The following RBMS3 variants were observed in gnomAD, a reference collection of about 807,000 sequenced individuals.
RBMS3 encodes the protein RNA-binding motif, single-stranded-interacting protein 3.
RBMS3 carries 27 observed loss-of-function variants against 66.8 expected under a neutral mutation model. The ratio of observed to expected loss-of-function variants is 0.40; its 90% CI spans 0.30 to 0.56. The LOEUF is 0.56. RBMS3 is among the 20% of genes least tolerant of loss of function. The pLI is 0.40. For missense variants in RBMS3, 513 were observed against 549.5 expected, an observed-to-expected ratio of 0.93 and a Z score of 0.66; for synonymous variants, 188 against 183.0, an observed-to-expected ratio of 1.03 and a Z score of -0.22.
In RBMS3 at chr3:30,004,229, A is replaced by G. The variant is rs1699737063; in HGVS notation, c.*367A>G. The G allele has an allele frequency of 6.0e-6, 1 of 165,618 alleles. No individual in the cohort carries two copies. The highest frequency in any genetic ancestry group is 2.0e-4 in the South Asian group (1 of 4,944). 10.3% of individuals were successfully genotyped at this position (165,618 alleles called of 1,614,324 possible). A position where few individuals can be genotyped will look rare whatever the true frequency, so the allele number is the denominator to read the frequency against. On this transcript the variant is annotated 3_prime_UTR_variant, in exon 15 of 15. Transcript: ENST00000383767. ...GATACTTTTTTTTTTTTTTTAACAGAAAACCTGATGTCAAGAGGTGGGCAA... is the reference window on the plus strand; with the variant it reads ...GATACTTTTTTTTTTTTTTTAACAGGAAACCTGATGTCAAGAGGTGGGCAA...
intron 7 of RBMS3, chr3:29,880,757 T>A: frequency 6.5e-7 from 1 of 1,533,712 alleles, no homozygotes; most frequent in Non-Finnish European, 8.7e-7. Context: ...ACACTATCTC[T>A]TGTTGTCTCC....
intron 1 of RBMS3, among the ~76,000 whole-genome samples, chr3:29,349,097 T>C (rs1427722253): frequency 6.6e-6 from 1 of 152,156 alleles, no homozygotes; most frequent in African/African-American, 2.4e-5. Context: ...TCTTGAGATC[T>C]TTCTTAGGCT....
intron 13 of RBMS3, among the ~76,000 whole-genome samples, chr3:29,990,017 AAG>A (rs1427443653): frequency 2.0e-5 from 3 of 152,162 alleles, no homozygotes; most frequent in Non-Finnish European, 4.4e-5. Flanking sequence ...TAGGGATTAA[AAG>A]AAATATTTCA....
At chr3:29,389,656 C>G (rs912843664) in intron 1 of RBMS3, among the ~76,000 whole-genome samples, 1 of 152,110 alleles carries the variant, frequency 6.6e-6, no homozygotes, top group Non-Finnish European at 1.5e-5. Context: ...AAAGTATATT[C>G]GTTGTTTCTG....
chr3:29,954,536 T>A (rs531472771), intron 12 of RBMS3, among the ~76,000 whole-genome samples: 1 of 152,052 alleles, frequency 6.6e-6, no homozygotes, highest in Admixed American at 6.6e-5. Flanking sequence ...CTCTTTGGGG[T>A]GAGAACCATA....
At chr3:29,772,971 A>G (rs779230440) in intron 6 of RBMS3, among the ~76,000 whole-genome samples, 10 of 152,050 alleles carry the variant, frequency 6.6e-5, no homozygotes, top group Non-Finnish European at 7.4e-5. Context: ...TAAAATATGA[A>G]CTTAAACTAT....
At position 29,835,227 on chromosome 3, in the gene RBMS3, C is replaced by T. The variant is rs144647115; in HGVS notation, c.638-33631C>T. ...ACCCAACTCTCAATAACGAATAGATCGTCCAGACGGAAATCAATAAGAAAA... is the reference window on the plus strand; with the variant it reads ...ACCCAACTCTCAATAACGAATAGATTGTCCAGACGGAAATCAATAAGAAAA... On this transcript the variant is annotated intron_variant, in intron 6 of 14. Transcript: ENST00000383767. Among the ~76,000 whole-genome samples the T allele has an allele frequency of 1.2e-3, 180 of 152,004 alleles. 4 individuals are homozygous for T. The South Asian group carries it at 0.019, about 16-fold the overall frequency.
chr3:29,402,954 GTTTATAC>G (rs1277820540), intron 1 of RBMS3, among the ~76,000 whole-genome samples: 1 of 151,736 alleles, frequency 6.6e-6, no homozygotes. Flanking sequence ...GTTATCTTCT[GTTTATAC>G]TTTACTTACT....
At chr3:29,684,224 A>T (rs1411238138) in intron 4 of RBMS3, among the ~76,000 whole-genome samples, 1 of 152,206 alleles carries the variant, frequency 6.6e-6, no homozygotes, top group East Asian at 1.9e-4. Flanking sequence ...CTAAAATTCA[A>T]AAATAAAATA....
chr3:29,988,188 T>G lies in RBMS3; in HGVS notation c.1144T>G (p.Tyr382Asp), dbSNP rs1009755833. The stretch of plus-strand genomic sequence containing the variant: ...TATGCAAGGGACCTACATTCCTCAG[T>G]ACACGCCTGTGCCTCCGACAGCTGT... ...APMQGTYIPQYTPVPPTAVSI... is the reference protein window; with the variant it reads ...APMQGTYIPQDTPVPPTAVSI... Residue 382 changes from tyrosine to aspartate, a missense_variant, in exon 13 of 15, where the codon TAC (tyrosine) becomes GAC (aspartate). Transcript: ENST00000383767. 1 of 1,613,292 alleles carries G rather than the reference T, an allele frequency of 6.2e-7. No homozygotes were observed. The highest frequency in any genetic ancestry group is 1.7e-5 in the Admixed American group (1 of 60,018).
intron 4 of RBMS3, among the ~76,000 whole-genome samples, chr3:29,644,841 G>A (rs939742363): frequency 6.6e-6 from 1 of 152,114 alleles, no homozygotes; most frequent in Admixed American, 6.6e-5. Flanking sequence ...TAAGGTCACT[G>A]ATTAAAATGT....
chr3:29,672,483 C>G (rs527763888), intron 4 of RBMS3, among the ~76,000 whole-genome samples: 1 of 152,282 alleles, frequency 6.6e-6, no homozygotes, highest in South Asian at 2.1e-4. Flanking sequence ...TTAAAAGACA[C>G]AGACTTGCAA....
intron 1 of RBMS3, among the ~76,000 whole-genome samples, chr3:29,399,090 T>G (rs566354262): frequency 6.6e-6 from 1 of 152,278 alleles, no homozygotes; most frequent in Admixed American, 6.5e-5. Flanking sequence ...TTTCTCTACT[T>G]TAGCCCTGCC....
At chr3:29,682,770 T>G (rs1425115526) in intron 4 of RBMS3, among the ~76,000 whole-genome samples, 1 of 152,188 alleles carries the variant, frequency 6.6e-6, no homozygotes. Context: ...AACAGTGCTA[T>G]TCACAAAAAG....
In RBMS3 at chr3:29,992,273, G is replaced by A. The variant is rs1439881857; in HGVS notation, c.1307+1064G>A. 3.3e-5 allele frequency among the ~76,000 whole-genome samples: 5 copies of A among 151,958 alleles called. No individual in the cohort carries two copies. In the South Asian group the frequency reaches 6.2e-4, roughly 19 times the overall value. ...TTATTAGGTTGGTACAAAAGTAATT[G>A]CGGTTTTTGCCATTAAAAACCATAG... On this transcript the variant is annotated intron_variant, in intron 14 of 14. Transcript: ENST00000383767.
chr3:29,669,623 T>C (rs905089694), intron 4 of RBMS3, among the ~76,000 whole-genome samples: 20 of 151,550 alleles, frequency 1.3e-4, no homozygotes, highest in Admixed American at 3.9e-4. Flanking sequence ...AAAGCTGTCA[T>C]TGAGGTGTTA....
chr3:29,353,128 A>G (rs1039775743), intron 1 of RBMS3, among the ~76,000 whole-genome samples: 2 of 151,998 alleles, frequency 1.3e-5, no homozygotes, highest in Non-Finnish European at 2.9e-5. Flanking sequence ...GTGTAATCAC[A>G]TCACCTAAGA....
At chr3:29,921,934 A>G (rs2060792520) in intron 10 of RBMS3, among the ~76,000 whole-genome samples, 1 of 152,166 alleles carries the variant, frequency 6.6e-6, no homozygotes, top group Non-Finnish European at 1.5e-5. Flanking sequence ...TGCTCAACAT[A>G]GACAGTCCCT....
At chr3:29,970,762 T>G (rs1697177028) in intron 12 of RBMS3, among the ~76,000 whole-genome samples, 1 of 152,168 alleles carries the variant, frequency 6.6e-6, no homozygotes, top group South Asian at 2.1e-4. Flanking sequence ...GATGTAAAAT[T>G]TAATCTTTTT....
Sources: allele counts gnomAD v4.1 joint callset (sites outside exome capture counted in the v4.1 genomes callset), GRCh38; gene constraint gnomAD v4.1.1; transcripts MANE v1.5; gene names NCBI Gene and HGNC (gene_info 2026-07-23, HGNC 2026-07-21).